Variants in DDX1 observed in about 807,000 individuals in gnomAD.
DDX1 encodes the protein ATP-dependent RNA helicase DDX1.
A neutral mutation model predicts 108.7 loss-of-function variants in DDX1; 28 were observed. The observed-to-expected ratio is 0.26, with a 90% CI of 0.19 to 0.35. The LOEUF is 0.35. Among genes scored for constraint, DDX1 ranks in the 10% least tolerant of loss-of-function variants. DDX1 has a pLI of 1.00. For missense variants in DDX1, 710 were observed against 884.5 expected (o/e 0.80, Z 2.50); for synonymous variants, 295 against 288.9 (o/e 1.02, Z -0.21).
intron 1 of DDX1, among the ~76,000 whole-genome samples, chr2:15,594,767 CT>C (rs1665472573): frequency 6.6e-6 from 1 of 152,224 alleles, no homozygotes; most frequent in African/African-American, 2.4e-5. Context: ...TCTTGGCAGA[CT>C]TTTCACGAGT....
intron 13 of DDX1, among the ~76,000 whole-genome samples, chr2:15,608,494 C>G (rs12469927): frequency 6.7e-6 from 1 of 149,920 alleles, no homozygotes; most frequent in Non-Finnish European, 1.5e-5. Context: ...CGCCATTGCA[C>G]TCCAGCCTGG....
chr2:15,608,527 CAAA>C (rs201822266), intron 13 of DDX1, among the ~76,000 whole-genome samples: 3 of 93,932 alleles, frequency 3.2e-5, no homozygotes, highest in African/African-American at 4.8e-5. Flanking sequence ...GACTCCGTCT[CAAA>C]AAAAAAAAAA....
intron 20 of DDX1, 77 bp from the exon 21 acceptor site, chr2:15,628,368 G>A (rs930365592): frequency 1.8e-6 from 2 of 1,109,496 alleles, no homozygotes; most frequent in African/African-American, 3.1e-5. Context: ...GTCTCATTTA[G>A]TGGAAGGATA....
intron 15 of DDX1, 123 bp downstream of exon 15, chr2:15,617,465 T>C: frequency 2.3e-6 from 1 of 439,526 alleles, no homozygotes; most frequent in Non-Finnish European, 3.9e-6. Flanking sequence ...ATCATTGTTA[T>C]CAGTTTGGTA....
rs200804201 is a variant in DDX1, at chr2:15,620,404, G to T, written c.1395+8G>T. The T allele has an allele frequency of 4.4e-6, 7 of 1,599,234 alleles. No homozygotes were observed. Among genetic ancestry groups the T allele is most frequent in the Non-Finnish European group, 6.0e-6 (7 of 1,174,364 alleles). On this transcript the variant is annotated splice_region_variant and intron_variant, in intron 17 of 25. Transcript: ENST00000233084. The stretch of plus-strand genomic sequence containing the variant: ...GGAAAGAGCCACATTAGAGTAAGTG[G>T]TTTATAATATTAACATTTATGTAGA...
In DDX1 at chr2:15,628,442, T is replaced by C. The variant is rs745770773; in HGVS notation, c.1687-3T>C. The stretch of plus-strand genomic sequence containing the variant: ...TCCTTTCTCTCTTCACTGTTCTCTT[T>C]AGAAAGGAGATGTAAGATTCTTGAT... On this transcript the variant is annotated splice_region_variant and splice_polypyrimidine_tract_variant and intron_variant, in intron 20 of 25. Transcript: ENST00000233084. 13 of 1,605,102 alleles carry C rather than the reference T, an allele frequency of 8.1e-6. No individual in the cohort carries two copies. The South Asian group carries it at 1.4e-4, about 18-fold the overall frequency.
intron 2 of DDX1, 130 bp downstream of exon 2, chr2:15,595,326 A>G: frequency 1.1e-6 from 1 of 950,518 alleles, no homozygotes; most frequent in Non-Finnish European, 1.6e-6. Context: ...TGATTTTCTA[A>G]ATTATGGAAA....
At chr2:15,608,663 G>GTTTTTTTT (rs569566545) in intron 13 of DDX1, among the ~76,000 whole-genome samples, 15 of 106,724 alleles carry the variant, frequency 1.4e-4, no homozygotes, top group African/African-American at 3.4e-4. Context: ...TTTTTTTTAG[G>GTTTTTTTT]TTTTTTTTTT....
intron 3 of DDX1, among the ~76,000 whole-genome samples, chr2:15,595,850 A>C (rs900942680): frequency 2.0e-5 from 3 of 152,116 alleles, no homozygotes; most frequent in Non-Finnish European, 4.4e-5. Context: ...TGCTTGAAGG[A>C]TCATAGGGAC....
chr2:15,611,030 G>T (rs924376035), intron 13 of DDX1, among the ~76,000 whole-genome samples: 4 of 150,108 alleles, frequency 2.7e-5, no homozygotes, highest in Non-Finnish European at 5.9e-5. Flanking sequence ...AGGACCCTGC[G>T]GCCTTCCGCA....
At chr2:15,619,482 C>T (rs1301046920) in intron 16 of DDX1, among the ~76,000 whole-genome samples, 1 of 152,188 alleles carries the variant, frequency 6.6e-6, no homozygotes, top group African/African-American at 2.4e-5. Context: ...CTCTTGCTGC[C>T]GCTGCTCATG....
intron 13 of DDX1, among the ~76,000 whole-genome samples, chr2:15,611,827 G>A (rs1339113430): frequency 6.9e-5 from 7 of 100,804 alleles, no homozygotes; most frequent in South Asian, 3.8e-4. Context: ...GCGGCTGGCC[G>A]GGCAGAGGGG....
intron 5 of DDX1, among the ~76,000 whole-genome samples, chr2:15,599,341 C>T (rs1017853657): frequency 6.6e-6 from 1 of 151,744 alleles, no homozygotes; most frequent in Non-Finnish European, 1.5e-5. Context: ...GAGTCTCGCT[C>T]TGTCGCCCAG....
At chr2:15,598,149 T>A (rs1054093457) in intron 5 of DDX1, among the ~76,000 whole-genome samples, 6 of 152,202 alleles carry the variant, frequency 3.9e-5, no homozygotes, top group African/African-American at 1.4e-4. Flanking sequence ...AAGTCACTCT[T>A]GTTTCATTAT....
chr2:15,620,512 A>C lies in DDX1; in HGVS notation c.1395+116A>C. The C allele has an allele frequency of 1.1e-5, 8 of 737,716 alleles. No individual in the cohort carries two copies. In the South Asian group the frequency reaches 1.4e-4, roughly 13 times the overall value. The allele number at this position is 737,716 out of a possible 1,614,324, so 45.7% of individuals were successfully genotyped here. A position where few individuals can be genotyped will look rare whatever the true frequency, so the allele number is the denominator to read the frequency against. On this transcript the variant is annotated intron_variant, in intron 17 of 25. Transcript: ENST00000233084. ...AGTTATTGTATCAAAGAAAAGTCCA[A>C]TACATCGTAAACCCTTAGACCTTTA...
At chr2:15,611,966 G>A (rs1308701548) in intron 13 of DDX1, among the ~76,000 whole-genome samples, 1 of 126,920 alleles carries the variant, frequency 7.9e-6, no homozygotes, top group Admixed American at 7.4e-5. Flanking sequence ...GCGGGGGGCT[G>A]ACCCCACCAC....
Position 15,628,709 on chromosome 2 carries a change from A to T in DDX1, c.1831A>T (p.Arg611Trp), listed in dbSNP as rs1352970984. The T allele has an allele frequency of 6.2e-7, 1 of 1,608,852 alleles. No homozygotes were observed. The highest frequency in any genetic ancestry group is 8.5e-7 in the Non-Finnish European group (1 of 1,179,128). The part of the protein sequence containing the change: ...HRIGRVGRAE[R>W]MGLAISLVAT... ...AATTGGCAGAGTAGGAAGAGCTGAA[A>T]GGTACTTCTGCAATTTTTTTTCCCC... Residue 611 changes from arginine to tryptophan, a missense_variant and splice_region_variant, in exon 22 of 26, where the codon AGG becomes TGG. Around this residue, in one of 3 missense-constraint regions of DDX1, gnomAD observed 661 missense variants for 810.2 expected, o/e 0.82. Coordinates refer to ENST00000233084, the MANE Select transcript of DDX1 (RefSeq NM_004939.3).
At position 15,620,321 on chromosome 2, in the gene DDX1, T is replaced by C. The variant is rs201609200; in HGVS notation, c.1320T>C (p.Thr440=). The C allele has an allele frequency of 8.1e-6, 13 of 1,613,962 alleles. No homozygotes were observed. The highest frequency in any genetic ancestry group is 1.1e-5 in the South Asian group (1 of 91,078). The change falls in exon 17 of 26, where the codon ACT becomes ACC. Residue 440 remains threonine (T), a synonymous_variant. Transcript: ENST00000233084. ...DLKGEDSVPD[T]VHHVVVPVNP... is the part of the protein sequence containing the mutation. ...AAGGAGAAGACTCTGTTCCAGATAC[T>C]GTACACCATGTTGTTGTCCCAGTAA...
intron 20 of DDX1, chr2:15,627,422 G>GT (rs745899820): frequency 1.5e-5 from 4 of 270,164 alleles, no homozygotes; most frequent in Non-Finnish European, 2.1e-5. Flanking sequence ...TTTAGGAGAA[G>GT]TATCATTGGA....
Sources: allele counts gnomAD v4.1 joint callset (sites outside exome capture counted in the v4.1 genomes callset), GRCh38; gene constraint gnomAD v4.1.1; regional missense constraint gnomAD v4.1.1; transcripts MANE v1.5; gene names NCBI Gene and HGNC (gene_info 2026-07-23, HGNC 2026-07-21).